The following TBCK variants were observed in gnomAD, a reference collection of about 807,000 sequenced individuals.
TBCK encodes TBC domain-containing protein kinase-like protein.
In TBCK, 99 loss-of-function variants were observed where a neutral mutation model predicts 113.4. The observed-to-expected ratio is 0.87, with a 90% confidence interval of 0.74 to 1.03. The LOEUF is 1.03. TBCK is among the 50% of genes least tolerant of loss of function. The pLI is 0.00. For synonymous variants in TBCK, 369 were observed against 370.8 expected, an observed-to-expected ratio of 1.00 and a Z score of 0.05; for missense variants, 1,045 against 1,061.3, an observed-to-expected ratio of 0.98 and a Z score of 0.21.
rs988471349 is a variant in TBCK, at chr4:106,214,684, G to A, written c.1775-1849C>T. Among the ~76,000 whole-genome samples, 10 of 152,176 alleles carry A rather than the reference G, an allele frequency of 6.6e-5. No homozygotes were observed. The South Asian group carries it at 1.0e-3, about 16-fold the overall frequency. ...TAGAGAAAAAAGAATAAAAAGAAAC[G>A]AGCAAAGCCTCCAAGCAATATGGGA... On this transcript the variant is annotated intron_variant, in intron 19 of 25. Transcript: ENST00000394708.
chr4:106,065,286 G>GT (rs1736510640), intron 25 of TBCK, among the ~76,000 whole-genome samples: 1 of 151,940 alleles, frequency 6.6e-6, no homozygotes, highest in Non-Finnish European at 1.5e-5. Context: ...CTTCAGTTTT[G>GT]TAAGAGGTAT....
intron 25 of TBCK, among the ~76,000 whole-genome samples, chr4:106,057,229 G>GA (rs2149454298): frequency 6.6e-6 from 1 of 151,834 alleles, no homozygotes; most frequent in East Asian, 1.9e-4. Flanking sequence ...AAGCTTAAGA[G>GA]AGAGGGTCAA....
At chr4:106,168,771 C>T (rs994116465) in intron 23 of TBCK, among the ~76,000 whole-genome samples, 7 of 151,888 alleles carry the variant, frequency 4.6e-5, no homozygotes, top group African/African-American at 1.7e-4. Flanking sequence ...AGATATAAGT[C>T]TAACTATATA....
At chr4:106,224,595 TTTCTAA>T (rs1758038031) in intron 19 of TBCK, among the ~76,000 whole-genome samples, 2 of 152,164 alleles carry the variant, frequency 1.3e-5, no homozygotes, top group Admixed American at 1.3e-4. Context: ...ATAAGAGCTA[TTTCTAA>T]TTCTAAGCCT....
At chr4:106,133,824 C>T (rs1746238198) in intron 23 of TBCK, among the ~76,000 whole-genome samples, 1 of 152,046 alleles carries the variant, frequency 6.6e-6, no homozygotes. Flanking sequence ...ACAAGGCTGG[C>T]CAACATGAAA....
At chr4:106,104,763 C>T (rs1165037480) in intron 24 of TBCK, among the ~76,000 whole-genome samples, 1 of 152,384 alleles carries the variant, frequency 6.6e-6, no homozygotes, top group East Asian at 1.9e-4. Context: ...CAGGTCCATA[C>T]CTCCCTGGGA....
intron 2 of TBCK, among the ~76,000 whole-genome samples, chr4:106,305,208 T>C (rs139348535): frequency 1.3e-5 from 2 of 152,274 alleles, no homozygotes; most frequent in African/African-American, 4.8e-5. Context: ...TAAAATACTG[T>C]ATGAATGTCT....
intron 20 of TBCK, among the ~76,000 whole-genome samples, chr4:106,197,411 G>GTATA (rs1553957897): frequency 0.2 from 24,340 of 122,020 alleles, 3,019 homozygotes; most frequent in East Asian, 0.32. Context: ...GTGTGTGTGT[G>GTATA]TATATATATA....
At chr4:106,182,475 T>G (rs1411453498) in intron 22 of TBCK, 1 of 152,172 alleles carries the variant, frequency 6.6e-6, no homozygotes, top group East Asian at 1.9e-4. Flanking sequence ...TTCCAGTTTT[T>G]GCCCGTTCAG....
intron 2 of TBCK, among the ~76,000 whole-genome samples, chr4:106,302,672 C>T (rs1466100559): frequency 6.6e-6 from 1 of 151,652 alleles, no homozygotes; most frequent in Non-Finnish European, 1.5e-5. Context: ...ATGTTCACCA[C>T]CCATGGTTAA....
At chr4:106,113,668 C>T (rs1354353662) in intron 24 of TBCK, among the ~76,000 whole-genome samples, 1 of 152,152 alleles carries the variant, frequency 6.6e-6, no homozygotes, top group East Asian at 1.9e-4. Flanking sequence ...AATGTGGCTT[C>T]CTCGGACGAC....
intron 23 of TBCK, among the ~76,000 whole-genome samples, chr4:106,132,281 A>T (rs1411489765): frequency 6.6e-6 from 1 of 152,188 alleles, no homozygotes; most frequent in African/African-American, 2.4e-5. Context: ...CCACTGCTCT[A>T]TGAAGCCTCA....
At position 106,147,712 on chromosome 4, in the gene TBCK, A is replaced by G. The variant is rs539211358; in HGVS notation, c.2235+23383T>C. ...TATGTCCCCTCAGGACCCTGTGATA[A>G]TTGCATTAACTGCATAAATTGTAGA... On this transcript the variant is annotated intron_variant, in intron 23 of 25. Coordinates refer to ENST00000394708, the MANE Select transcript of TBCK (RefSeq NM_001163435.3). Among the ~76,000 whole-genome samples, 4 of 152,214 alleles carry G rather than the reference A, an allele frequency of 2.6e-5. No homozygotes were observed. The South Asian group carries it at 8.3e-4, about 32-fold the overall frequency.
chr4:106,145,072 C>T (rs1025407596), intron 23 of TBCK, among the ~76,000 whole-genome samples: 1 of 149,590 alleles, frequency 6.7e-6, no homozygotes, highest in African/African-American at 2.5e-5. Context: ...GTAATCCCAG[C>T]ACTTTGGGAG....
intron 23 of TBCK, 62 bp downstream of exon 23, chr4:106,171,033 G>T (rs1750926641): frequency 3.9e-6 from 5 of 1,297,266 alleles, no homozygotes; most frequent in Non-Finnish European, 4.2e-6. Flanking sequence ...AGATACTAGG[G>T]TATATTAATT....
intron 25 of TBCK, among the ~76,000 whole-genome samples, 192 bp from the exon 26 acceptor site, chr4:106,046,872 T>C (rs1427438017): frequency 6.6e-6 from 1 of 152,210 alleles, no homozygotes; most frequent in East Asian, 1.9e-4. Flanking sequence ...GACAATTTCT[T>C]TATCTTATGG....
chr4:106,175,939 G>C (rs1469782124), intron 22 of TBCK, among the ~76,000 whole-genome samples: 3 of 152,072 alleles, frequency 2.0e-5, no homozygotes, highest in African/African-American at 4.8e-5. Flanking sequence ...AGGCTCCTTA[G>C]AGCCCTTTTT....
intron 23 of TBCK, among the ~76,000 whole-genome samples, chr4:106,122,356 C>A (rs1378692950): frequency 6.6e-6 from 1 of 152,118 alleles, no homozygotes; most frequent in Non-Finnish European, 1.5e-5. Context: ...AGACCAATAA[C>A]AGGAGCTGAA....
At chr4:106,100,277 C>A (rs372118014) in intron 24 of TBCK, among the ~76,000 whole-genome samples, 1 of 152,020 alleles carries the variant, frequency 6.6e-6, no homozygotes, top group Admixed American at 6.5e-5. Flanking sequence ...ACATCACTTA[C>A]ATATTTGGTG....
Sources: gnomAD v4.1 joint callset for allele counts (sites outside exome capture counted in the v4.1 genomes callset) on GRCh38, gnomAD v4.1.1 for gene constraint, MANE v1.5 for transcripts, NCBI Gene and HGNC (gene_info 2026-07-23, HGNC 2026-07-21) for gene names.